The following XYLT1 variants were observed in gnomAD, a reference collection of about 807,000 sequenced individuals.
XYLT1 encodes the protein beta-D-xylosyltransferase 1.
XYLT1 carries 36 observed loss-of-function variants against 91.3 expected under a neutral mutation model. The observed-to-expected ratio is 0.39, with a 90% CI of 0.30 to 0.52. The LOEUF (loss-of-function observed/expected upper bound fraction) is 0.52. XYLT1 is among the 20% of genes least tolerant of loss of function. The probability of loss-of-function intolerance (pLI) is 0.68; values close to 1 mark genes in which losing one functional copy is unlikely to be tolerated. For synonymous variants in XYLT1, 588 were observed against 532.0 expected (o/e 1.11, Z -1.45); for missense variants, 1,242 against 1,284.5 (o/e 0.97, Z 0.51).
chr16:17,230,000 G>T (rs927907322), intron 3 of XYLT1, among the ~76,000 whole-genome samples: 5 of 152,200 alleles, frequency 3.3e-5, no homozygotes, highest in African/African-American at 4.8e-5. Context: ...GACTGCACTG[G>T]TGCATCTACA....
intron 2 of XYLT1, among the ~76,000 whole-genome samples, chr16:17,326,407 C>G (rs139839902): frequency 6.6e-6 from 1 of 152,224 alleles, no homozygotes; most frequent in East Asian, 1.9e-4. Flanking sequence ...GTTCTCCTAC[C>G]TTTAAAATAA....
intron 9 of XYLT1, among the ~76,000 whole-genome samples, chr16:17,133,196 ACCTTGCTGGCCAGGG>A (rs1201791669): frequency 3.3e-5 from 5 of 152,086 alleles, no homozygotes; most frequent in Non-Finnish European, 5.9e-5. Flanking sequence ...CCCTGCGGAA[ACCTTGCTGGCCAGGG>A]ATGAGACACC....
At chr16:17,323,916 A>G (rs2034762510) in intron 2 of XYLT1, among the ~76,000 whole-genome samples, 1 of 152,234 alleles carries the variant, frequency 6.6e-6, no homozygotes, top group South Asian at 2.1e-4. Flanking sequence ...GCTTTAAAAC[A>G]TTTAACTTAT....
At chr16:17,372,660 C>T (rs2035551230) in intron 1 of XYLT1, among the ~76,000 whole-genome samples, 1 of 152,178 alleles carries the variant, frequency 6.6e-6, no homozygotes, top group African/African-American at 2.4e-5. Flanking sequence ...TATCTTCTTC[C>T]GTGTGACTTC....
intron 2 of XYLT1, among the ~76,000 whole-genome samples, chr16:17,331,878 A>G (rs2034903514): frequency 6.6e-6 from 1 of 152,160 alleles, no homozygotes; most frequent in South Asian, 2.1e-4. Context: ...AAGTTTCCCT[A>G]ACTACTTTGC....
At chr16:17,374,630 T>A (rs1481673407) in intron 1 of XYLT1, among the ~76,000 whole-genome samples, 1 of 131,596 alleles carries the variant, frequency 7.6e-6, no homozygotes, top group East Asian at 1.9e-4. Flanking sequence ...CTCAGTATTG[T>A]TATTACAGAC....
Position 17,470,849 on chromosome 16 carries a change from C to G in XYLT1, c.-53G>C, listed in dbSNP as rs1374809963. On this transcript the variant is annotated 5_prime_UTR_variant, in exon 1 of 12. Transcript: ENST00000261381. ...GCGGGGACCCCGGCACGCTCCGGGC[C>G]GCCCCCGCGCTCCCCGCAGCTCCCG... 1 of 840,798 alleles carries G rather than the reference C, an allele frequency of 1.2e-6. No individual in the cohort carries two copies. The highest frequency in any genetic ancestry group is 1.3e-6 in the Non-Finnish European group (1 of 765,828). 52.1% of individuals were successfully genotyped at this position (840,798 alleles called of 1,614,324 possible). A position where few individuals can be genotyped will look rare whatever the true frequency, so the allele number is the denominator to read the frequency against.
intron 2 of XYLT1, among the ~76,000 whole-genome samples, chr16:17,325,741 G>C (rs1187702057): frequency 6.6e-6 from 1 of 152,180 alleles, no homozygotes; most frequent in Non-Finnish European, 1.5e-5. Flanking sequence ...GAAATTGCTA[G>C]CATTTTTGAG....
intron 5 of XYLT1, 136 bp from the exon 6 acceptor site, chr16:17,159,045 A>T: frequency 1.4e-6 from 1 of 710,514 alleles, no homozygotes; most frequent in Non-Finnish European, 2.5e-6. Flanking sequence ...CTGATAAGGC[A>T]TCCTCTTTAT....
intron 2 of XYLT1, among the ~76,000 whole-genome samples, chr16:17,288,891 C>T (rs1179698058): frequency 3.3e-5 from 5 of 152,024 alleles, no homozygotes; most frequent in African/African-American, 4.8e-5. Context: ...AATTTCTTAC[C>T]GTTTTACCCC....
At chr16:17,436,499 G>A (rs1440979375) in intron 1 of XYLT1, among the ~76,000 whole-genome samples, 1 of 152,168 alleles carries the variant, frequency 6.6e-6, no homozygotes, top group Non-Finnish European at 1.5e-5. Flanking sequence ...ACATAGTATG[G>A]GCCCAGGCAG....
intron 9 of XYLT1, among the ~76,000 whole-genome samples, chr16:17,133,993 C>T (rs2030605276): frequency 6.6e-6 from 1 of 152,156 alleles, no homozygotes; most frequent in Non-Finnish European, 1.5e-5. Flanking sequence ...CTGGGATTGA[C>T]TTCAAACTGA....
intron 1 of XYLT1, among the ~76,000 whole-genome samples, chr16:17,436,276 C>G (rs2036457903): frequency 6.6e-6 from 1 of 152,156 alleles, no homozygotes; most frequent in Non-Finnish European, 1.5e-5. Flanking sequence ...AAGACAATTA[C>G]ACGGTCTAAG....
At chr16:17,223,035 GAAA>G (rs535714440) in intron 3 of XYLT1, among the ~76,000 whole-genome samples, 23 of 127,410 alleles carry the variant, frequency 1.8e-4, no homozygotes, top group African/African-American at 4.0e-4. Context: ...ACTGCGCCAG[GAAA>G]AAAAAAAAAA....
At position 17,127,835 on chromosome 16, in the gene XYLT1, G is replaced by C; in HGVS notation, c.2054C>G (p.Ser685Cys). 6.2e-7 allele frequency: 1 copy of C among 1,614,060 alleles called. No homozygotes were observed. The highest frequency in any genetic ancestry group is 8.5e-7 in the Non-Finnish European group (1 of 1,179,996). ...CRYYPMGHPA[S>C]VHLYFLADRF... ...GTCAGCAAGGAAGTAGAGGTGCACA[G>C]ATGCTGGGTGGCCCATTGGGTAGTA... Residue 685 changes from serine to cysteine, a missense_variant, in exon 10 of 12, where the codon TCT (serine) becomes TGT (cysteine). Ser to Cys is a moderately radical substitution (Grantham distance 112). This residue lies in a region of XYLT1 where 511 missense variants were observed against 497.0 expected (regional missense o/e 1.03). Transcript: ENST00000261381.
chr16:17,400,633 A>G (rs377225719), intron 1 of XYLT1, among the ~76,000 whole-genome samples: 19,866 of 71,280 alleles, frequency 0.28, 1,990 homozygotes, highest in Middle Eastern at 0.38. Context: ...GGAAGGGAGG[A>G]AGGAAGGAAG....
At chr16:17,324,755 G>C (rs905198943) in intron 2 of XYLT1, among the ~76,000 whole-genome samples, 8 of 152,092 alleles carry the variant, frequency 5.3e-5, no homozygotes, top group African/African-American at 1.9e-4. Flanking sequence ...CATGTTTTTA[G>C]TGAACAAATG....
chr16:17,313,317 T>G (rs547855986), intron 2 of XYLT1, among the ~76,000 whole-genome samples: 1 of 152,218 alleles, frequency 6.6e-6, no homozygotes, highest in South Asian at 2.1e-4. Flanking sequence ...CTGCTGGGGC[T>G]GGAGGAGGGA....
chr16:17,341,247 C>A (rs977054092), intron 2 of XYLT1, among the ~76,000 whole-genome samples: 1 of 152,128 alleles, frequency 6.6e-6, no homozygotes, highest in Non-Finnish European at 1.5e-5. Flanking sequence ...TAAATGTCTA[C>A]CAACAGGAAA....
Sources: allele counts gnomAD v4.1 joint callset (sites outside exome capture counted in the v4.1 genomes callset), GRCh38; gene constraint gnomAD v4.1.1; regional missense constraint gnomAD v4.1.1; transcripts MANE v1.5; gene names NCBI Gene and HGNC (gene_info 2026-07-23, HGNC 2026-07-21).